Variants in RFTN2 observed in about 807,000 individuals in gnomAD.
RFTN2 encodes the protein raftlin family member 2, also known as raftlin-2.
In RFTN2, 34 loss-of-function variants were observed where a neutral mutation model predicts 52.7. That is an observed-to-expected ratio of 0.64 (90% CI 0.49 to 0.86). The LOEUF (loss-of-function observed/expected upper bound fraction) is 0.86. RFTN2 is among the 40% of genes least tolerant of loss of function. The probability of loss-of-function intolerance (pLI) is 0.00; values close to 1 mark genes in which losing one functional copy is unlikely to be tolerated. For missense variants in RFTN2, 536 were observed against 600.1 expected (o/e 0.89, Z 1.12); for synonymous variants, 203 against 217.7 (o/e 0.93, Z 0.59).
intron 6 of RFTN2, among the ~76,000 whole-genome samples, 173 bp downstream of exon 6, chr2:197,617,627 G>T (rs1414441502): frequency 6.6e-6 from 1 of 151,980 alleles, no homozygotes; most frequent in Non-Finnish European, 1.5e-5. Context: ...GCTGCAGTGA[G>T]CTGTGATGGT....
At chr2:197,646,701 TC>T (rs1390239088) in intron 1 of RFTN2, 35 bp from the exon 2 acceptor site, 1 of 1,504,050 alleles carries the variant, frequency 6.6e-7, no homozygotes, top group African/African-American at 1.4e-5. Flanking sequence ...ATTTGCATAT[TC>T]TTAAGATTGA....
intron 5 of RFTN2, among the ~76,000 whole-genome samples, chr2:197,629,936 C>T (rs539710279): frequency 2.0e-5 from 3 of 152,230 alleles, no homozygotes; most frequent in African/African-American, 7.2e-5. Flanking sequence ...ATTGCCCAGG[C>T]TAGTCTCGAA....
At chr2:197,612,610 A>G (rs2088081379) in intron 7 of RFTN2, among the ~76,000 whole-genome samples, 1 of 152,224 alleles carries the variant, frequency 6.6e-6, no homozygotes, top group Admixed American at 6.5e-5. Context: ...AATAGTGATA[A>G]CAATTAAGAA....
At chr2:197,599,300 G>A (rs913509068) in intron 7 of RFTN2, among the ~76,000 whole-genome samples, 3 of 152,180 alleles carry the variant, frequency 2.0e-5, no homozygotes, top group Admixed American at 2.0e-4. Flanking sequence ...TAGCTGGATA[G>A]GCTGCCTAGA....
intron 1 of RFTN2, among the ~76,000 whole-genome samples, chr2:197,648,754 T>A (rs1053466160): frequency 2.6e-5 from 4 of 152,192 alleles, no homozygotes; most frequent in African/African-American, 9.7e-5. Flanking sequence ...TTCTCTTACG[T>A]GTCTTGCTTT....
chr2:197,583,949 A>G (rs2087552650), intron 8 of RFTN2, among the ~76,000 whole-genome samples: 1 of 120,620 alleles, frequency 8.3e-6, no homozygotes, highest in East Asian at 2.2e-4. Context: ...CCTACAAAGG[A>G]CATGAAATCA....
chr2:197,576,722 T>C (rs1048336568), intron 8 of RFTN2, among the ~76,000 whole-genome samples: 1 of 152,198 alleles, frequency 6.6e-6, no homozygotes, highest in Non-Finnish European at 1.5e-5. Context: ...CTGTGGAATG[T>C]AATACCATTT....
At chr2:197,662,052 G>A (rs1257806612) in intron 1 of RFTN2, among the ~76,000 whole-genome samples, 4 of 152,152 alleles carry the variant, frequency 2.6e-5, no homozygotes, top group Non-Finnish European at 5.9e-5. Flanking sequence ...CTTGTTGGAT[G>A]AATAATTTGC....
chr2:197,585,514 T>C (rs866658897), intron 8 of RFTN2, among the ~76,000 whole-genome samples: 1 of 152,304 alleles, frequency 6.6e-6, no homozygotes, highest in Middle Eastern at 3.4e-3. Context: ...GAAGTTCTGT[T>C]CTTTACTTTT....
At chr2:197,615,622 C>T (rs2088128672) in intron 7 of RFTN2, among the ~76,000 whole-genome samples, 1 of 152,162 alleles carries the variant, frequency 6.6e-6, no homozygotes, top group Non-Finnish European at 1.5e-5. Flanking sequence ...ACTCTGGAAC[C>T]CTACTGTGTC....
chr2:197,611,151 CT>C (rs2088052475), intron 7 of RFTN2, among the ~76,000 whole-genome samples: 1 of 152,198 alleles, frequency 6.6e-6, no homozygotes. Flanking sequence ...GGGAGTCCCT[CT>C]TTTTCTGTTG....
At chr2:197,640,580 G>A (rs181615491) in intron 3 of RFTN2, among the ~76,000 whole-genome samples, 3,757 of 152,156 alleles carry the variant, frequency 0.025, 35 homozygotes, top group Non-Finnish European at 0.038. Context: ...GCAATGCCTC[G>A]CCCTGCTTCG....
intron 1 of RFTN2, among the ~76,000 whole-genome samples, chr2:197,648,382 A>T (rs1022657464): frequency 1.3e-5 from 2 of 152,258 alleles, no homozygotes; most frequent in African/African-American, 4.8e-5. Flanking sequence ...CATTATGAAT[A>T]GGAATGAAAA....
At chr2:197,643,906 A>G (rs2088709990) in intron 3 of RFTN2, among the ~76,000 whole-genome samples, 1 of 152,014 alleles carries the variant, frequency 6.6e-6, no homozygotes, top group Non-Finnish European at 1.5e-5. Flanking sequence ...CCTCCATTTT[A>G]TTTCATCAGG....
At chr2:197,574,986 A>G (rs1245209361) in intron 8 of RFTN2, among the ~76,000 whole-genome samples, 3 of 152,200 alleles carry the variant, frequency 2.0e-5, no homozygotes, top group Non-Finnish European at 4.4e-5. Flanking sequence ...GGGTGGAATG[A>G]TATAGTTTGG....
chr2:197,635,877 T>C (rs370637945), intron 3 of RFTN2, among the ~76,000 whole-genome samples: 5 of 138,082 alleles, frequency 3.6e-5, no homozygotes, highest in African/African-American at 5.4e-5. Context: ...TTAGGTCTAA[T>C]GTTTAAGTCT....
At chr2:197,585,744 T>G (rs545352995) in intron 8 of RFTN2, among the ~76,000 whole-genome samples, 1 of 152,166 alleles carries the variant, frequency 6.6e-6, no homozygotes, top group South Asian at 2.1e-4. Flanking sequence ...CCTCCGAACT[T>G]CCTTTAACAG....
chr2:197,618,593 A>G (rs1372780187), intron 5 of RFTN2, among the ~76,000 whole-genome samples: 15 of 146,164 alleles, frequency 1.0e-4, no homozygotes, highest in Admixed American at 4.1e-4. Context: ...CCCAGTCTGG[A>G]AAGTGAGGAG....
intron 7 of RFTN2, among the ~76,000 whole-genome samples, chr2:197,596,584 G>A (rs1005116203): frequency 1.3e-5 from 2 of 152,122 alleles, no homozygotes; most frequent in Non-Finnish European, 2.9e-5. Context: ...GTTGCTTCCA[G>A]TTTCTTGCCA....
Sources: allele counts gnomAD v4.1 joint callset (sites outside exome capture counted in the v4.1 genomes callset), GRCh38; gene constraint gnomAD v4.1.1; transcripts MANE v1.5; gene names NCBI Gene and HGNC (gene_info 2026-07-23, HGNC 2026-07-21).